Variants in DPP6 observed in about 807,000 individuals in gnomAD.
DPP6 encodes dipeptidyl peptidase like 6.
Under a neutral mutation model 122.6 loss-of-function variants are expected in DPP6, and 69 were observed. The observed-to-expected ratio is 0.56, with a 90% CI of 0.46 to 0.69. DPP6 has a LOEUF of 0.69. DPP6 is among the 30% of genes least tolerant of loss of function. The pLI, the probability that DPP6 is intolerant of heterozygous loss-of-function variation, is 0.00. For missense variants in DPP6, 928 were observed against 1,116.9 expected, an observed-to-expected ratio of 0.83 and a Z score of 2.41; for synonymous variants, 418 against 433.1, an observed-to-expected ratio of 0.97 and a Z score of 0.43.
intron 1 of DPP6, among the ~76,000 whole-genome samples, chr7:154,349,364 TG>T (rs2151076198): frequency 6.6e-6 from 1 of 152,242 alleles, no homozygotes; most frequent in Non-Finnish European, 1.5e-5. Flanking sequence ...TTAGTAGAGA[TG>T]GGGTTTCACC....
chr7:153,805,469 C>G, the DPP6 span, among the ~76,000 whole-genome samples: 1 of 152,156 alleles, frequency 6.6e-6, no homozygotes, highest in Non-Finnish European at 1.5e-5. Context: ...AAATACTTTC[C>G]TCCCAAGTCT....
At chr7:154,640,702 C>T (rs1836027138) in intron 6 of DPP6, among the ~76,000 whole-genome samples, 1 of 152,116 alleles carries the variant, frequency 6.6e-6, no homozygotes, top group Non-Finnish European at 1.5e-5. Flanking sequence ...CAGCCCGGAG[C>T]TCTAAGTCTG....
intron 3 of DPP6, among the ~76,000 whole-genome samples, chr7:154,498,255 A>T (rs780165546): frequency 6.6e-6 from 1 of 152,256 alleles, no homozygotes; most frequent in Non-Finnish European, 1.5e-5. Flanking sequence ...GGAAGGTAAT[A>T]GAATCCCAAA....
intron 1 of DPP6, among the ~76,000 whole-genome samples, chr7:154,137,660 G>GGGGGT (rs1795637393): frequency 8.4e-6 from 1 of 119,114 alleles, no homozygotes; most frequent in Admixed American, 8.2e-5. Flanking sequence ...TGGGGGGGTG[G>GGGGGT]GGGGGGTGGG....
At chr7:153,790,759 A>T in the DPP6 span, among the ~76,000 whole-genome samples, 2 of 152,230 alleles carry the variant, frequency 1.3e-5, no homozygotes, top group Non-Finnish European at 2.9e-5. Flanking sequence ...TTTGTAAAAG[A>T]CAGAAGAGTG....
chr7:154,257,556 T>G (rs1233478179), intron 1 of DPP6, among the ~76,000 whole-genome samples: 1 of 151,846 alleles, frequency 6.6e-6, no homozygotes, highest in African/African-American at 2.4e-5. Flanking sequence ...AAATTAGTGG[T>G]TGTGGTGGCA....
chr7:154,677,128 A>AAGG (rs1439257578), intron 7 of DPP6, among the ~76,000 whole-genome samples: 10 of 152,146 alleles, frequency 6.6e-5, no homozygotes, highest in Non-Finnish European at 1.0e-4. Context: ...CTATTATTAT[A>AAGG]ATTTTTACTA....
chr7:154,364,605 G>A (rs1390921834), intron 1 of DPP6, among the ~76,000 whole-genome samples: 1 of 152,190 alleles, frequency 6.6e-6, no homozygotes, highest in African/African-American at 2.4e-5. Context: ...TCCCTTCGGT[G>A]AGCTTAGTCG....
chr7:154,837,787 G>A (rs1184764320), intron 16 of DPP6, among the ~76,000 whole-genome samples: 3 of 152,078 alleles, frequency 2.0e-5, no homozygotes, highest in Non-Finnish European at 2.9e-5. Flanking sequence ...ACTAAACCAC[G>A]TTTACTCTAT....
At chr7:153,839,716 A>G in the DPP6 span, among the ~76,000 whole-genome samples, 22 of 152,340 alleles carry the variant, frequency 1.4e-4, no homozygotes, top group African/African-American at 5.0e-4. Flanking sequence ...TCGCGTGCTC[A>G]TGGATCCAGT....
intron 2 of DPP6, among the ~76,000 whole-genome samples, chr7:154,460,288 A>G (rs913723491): frequency 2.6e-5 from 4 of 152,166 alleles, no homozygotes; most frequent in African/African-American, 9.7e-5. Context: ...GGCCTTATTC[A>G]TGTACTTTTT....
chr7:154,357,240 TCATTAATG>T (rs1268682848), intron 1 of DPP6, among the ~76,000 whole-genome samples: 1 of 151,294 alleles, frequency 6.6e-6, no homozygotes, highest in Non-Finnish European at 1.5e-5. Flanking sequence ...TATGCCTGTT[TCATTAATG>T]CATTATCTTT....
At chr7:154,314,949 G>T (rs1441690466) in intron 1 of DPP6, among the ~76,000 whole-genome samples, 1 of 152,170 alleles carries the variant, frequency 6.6e-6, no homozygotes, top group South Asian at 2.1e-4. Context: ...ACCTACTGCG[G>T]TTTTTCCTCT....
intron 16 of DPP6, among the ~76,000 whole-genome samples, chr7:154,826,600 G>A (rs1198646568): frequency 6.6e-6 from 1 of 152,182 alleles, no homozygotes; most frequent in Non-Finnish European, 1.5e-5. Context: ...ATCAAACATG[G>A]AACAACAACC....
chr7:154,727,939 T>G, intron 8 of DPP6, 52 bp downstream of exon 8: 1 of 1,516,032 alleles, frequency 6.6e-7, no homozygotes. Context: ...CTGCTGCTGC[T>G]ACATTGGAGT....
intron 1 of DPP6, among the ~76,000 whole-genome samples, chr7:153,981,897 T>TC (rs1796610462): frequency 6.6e-6 from 1 of 152,136 alleles, no homozygotes; most frequent in South Asian, 2.1e-4. Flanking sequence ...TTGTAGGGTT[T>TC]CTGCAGAGAG....
chr7:154,287,430 C>T (rs1254887756), intron 1 of DPP6, among the ~76,000 whole-genome samples: 1 of 152,240 alleles, frequency 6.6e-6, no homozygotes, highest in Non-Finnish European at 1.5e-5. Context: ...CAGTGCAAAG[C>T]ATCTCCCAAG....
chr7:154,830,262 C>G (rs1381347124), intron 16 of DPP6, among the ~76,000 whole-genome samples: 1 of 152,150 alleles, frequency 6.6e-6, no homozygotes, highest in Non-Finnish European at 1.5e-5. Context: ...CTTCCTCTGT[C>G]TATCGATTGC....
At chr7:154,197,408 C>G (rs1293743602) in intron 1 of DPP6, among the ~76,000 whole-genome samples, 1 of 152,104 alleles carries the variant, frequency 6.6e-6, no homozygotes, top group Non-Finnish European at 1.5e-5. Flanking sequence ...GCTTGGTGCA[C>G]TGATACCATA....
Sources: allele counts gnomAD v4.1 joint callset (sites outside exome capture counted in the v4.1 genomes callset), GRCh38; gene constraint gnomAD v4.1.1; transcripts MANE v1.5; gene names NCBI Gene and HGNC (gene_info 2026-07-23, HGNC 2026-07-21).